CNTNAP5: variants seen among roughly 807,000 people sequenced by gnomAD.
CNTNAP5 encodes contactin-associated protein-like 5.
In CNTNAP5, 72 loss-of-function variants were observed where a neutral mutation model predicts 150.2. The ratio of observed to expected loss-of-function variants is 0.48; its 90% CI spans 0.40 to 0.58. CNTNAP5 has a LOEUF of 0.58. Ranked by LOEUF, CNTNAP5 falls within the 20% of genes least tolerant of loss-of-function variation. The pLI is 0.00. For missense variants in CNTNAP5, 1,636 were observed against 1,626.2 expected (o/e 1.01, Z -0.10); for synonymous variants, 672 against 619.8 (o/e 1.08, Z -1.25).
intron 1 of CNTNAP5, among the ~76,000 whole-genome samples, chr2:124,132,960 T>A (rs536226577): frequency 6.6e-6 from 1 of 152,272 alleles, no homozygotes; most frequent in African/African-American, 2.4e-5. Flanking sequence ...TCTATTCACA[T>A]TTCTCTCTTT....
intron 13 of CNTNAP5, among the ~76,000 whole-genome samples, chr2:124,707,600 C>T (rs965678435): frequency 6.6e-6 from 1 of 150,876 alleles, no homozygotes; most frequent in African/African-American, 2.4e-5. Flanking sequence ...AAAATAATCA[C>T]ATTCCTCGAT....
At chr2:124,859,988 A>C (rs1677477683) in intron 19 of CNTNAP5, among the ~76,000 whole-genome samples, 1 of 152,026 alleles carries the variant, frequency 6.6e-6, no homozygotes, top group South Asian at 2.1e-4. Flanking sequence ...CAGCACACCA[A>C]CATGGCACGT....
intron 1 of CNTNAP5, among the ~76,000 whole-genome samples, chr2:124,048,776 G>A (rs368848679): frequency 2.0e-5 from 3 of 152,266 alleles, no homozygotes; most frequent in East Asian, 3.9e-4. Flanking sequence ...GATAAACGGG[G>A]TCATCCAAGG....
At chr2:124,517,438 TG>T (rs1212509510) in intron 8 of CNTNAP5, among the ~76,000 whole-genome samples, 1 of 151,400 alleles carries the variant, frequency 6.6e-6, no homozygotes, top group Non-Finnish European at 1.5e-5. Context: ...TGGGAGCTTG[TG>T]GTGTTGGTAA....
rs565720551 is a variant in CNTNAP5, at chr2:124,482,846, A to G, written c.1062+7964A>G. On this transcript the variant is annotated intron_variant, in intron 7 of 23. Transcript: ENST00000682447. ...GGTCAAAGCGCTTCCCCAGAAACTC[A>G]GCCCTTTGTTTCCAGTGACTCTTGT... 3.9e-5 allele frequency among the ~76,000 whole-genome samples: 6 copies of G among 152,322 alleles called. No individual in the cohort carries two copies. The East Asian group carries it at 1.2e-3, about 29-fold the overall frequency.
chr2:124,251,384 T>G (rs1355192546), intron 3 of CNTNAP5, among the ~76,000 whole-genome samples: 2 of 151,770 alleles, frequency 1.3e-5, no homozygotes, highest in South Asian at 4.2e-4. Context: ...TTTTTTTCCT[T>G]TTGTAGGAAG....
At chr2:124,610,130 C>T (rs1677348952) in intron 12 of CNTNAP5, among the ~76,000 whole-genome samples, 1 of 152,174 alleles carries the variant, frequency 6.6e-6, no homozygotes, top group Admixed American at 6.5e-5. Context: ...TGTTAATGGT[C>T]TTGATAATGT....
intron 1 of CNTNAP5, among the ~76,000 whole-genome samples, chr2:124,178,883 T>C (rs1685132991): frequency 6.6e-6 from 1 of 151,932 alleles, no homozygotes; most frequent in African/African-American, 2.4e-5. Flanking sequence ...ACAATACTTG[T>C]GAAAAGCTCT....
At chr2:124,825,492 C>A (rs1469368533) in intron 19 of CNTNAP5, among the ~76,000 whole-genome samples, 2 of 152,148 alleles carry the variant, frequency 1.3e-5, no homozygotes, top group Non-Finnish European at 2.9e-5. Context: ...AACTATAGAA[C>A]ACCTCTTATA....
At chr2:124,370,447 C>A (rs1442170595) in intron 3 of CNTNAP5, among the ~76,000 whole-genome samples, 1 of 152,128 alleles carries the variant, frequency 6.6e-6, no homozygotes, top group Non-Finnish European at 1.5e-5. Flanking sequence ...GAAGTGACTA[C>A]TAGCCTCTTC....
At chr2:124,848,076 G>A (rs1683085411) in intron 19 of CNTNAP5, among the ~76,000 whole-genome samples, 1 of 152,034 alleles carries the variant, frequency 6.6e-6, no homozygotes, top group African/African-American at 2.4e-5. Flanking sequence ...CTGTGTAATG[G>A]TTACCACAAT....
At chr2:124,618,146 TAG>T (rs1677529421) in intron 12 of CNTNAP5, among the ~76,000 whole-genome samples, 1 of 152,104 alleles carries the variant, frequency 6.6e-6, no homozygotes, top group Non-Finnish European at 1.5e-5. Context: ...TAATCTGAAC[TAG>T]AGTTTCCCAG....
At chr2:124,395,342 G>T (rs1284361514) in intron 3 of CNTNAP5, among the ~76,000 whole-genome samples, 1 of 152,052 alleles carries the variant, frequency 6.6e-6, no homozygotes, top group African/African-American at 2.4e-5. Context: ...AACAGACCTG[G>T]GTTCACATCC....
chr2:124,534,506 A>C lies in CNTNAP5; in HGVS notation c.1649+7050A>C, dbSNP rs542065494. On this transcript the variant is annotated intron_variant, in intron 10 of 23. Transcript: ENST00000682447. ...TTGCCCTTTTTAGACCATATAAGGT[A>C]ACTTCCAGATGTTGCCATGGCATTT... Among the ~76,000 whole-genome samples, 3 of 152,304 alleles carry C rather than the reference A, an allele frequency of 2.0e-5. No homozygotes were observed. The South Asian group carries it at 6.2e-4, about 32-fold the overall frequency.
chr2:124,421,110 TCTA>T (rs1414738327), intron 4 of CNTNAP5, among the ~76,000 whole-genome samples: 1 of 151,804 alleles, frequency 6.6e-6, no homozygotes, highest in Non-Finnish European at 1.5e-5. Context: ...TCTCAGTTCT[TCTA>T]CTACTTTTCC....
chr2:124,398,980 T>C (rs1015174467), intron 3 of CNTNAP5, among the ~76,000 whole-genome samples: 1 of 152,192 alleles, frequency 6.6e-6, no homozygotes, highest in Non-Finnish European at 1.5e-5. Flanking sequence ...TCTCAGAGTT[T>C]ACAGTAAATA....
intron 3 of CNTNAP5, among the ~76,000 whole-genome samples, chr2:124,388,255 G>C (rs368366733): frequency 1.0e-3 from 156 of 152,306 alleles, no homozygotes; most frequent in African/African-American, 3.5e-3. Context: ...GTCAGATGGT[G>C]GCTAGGCCAG....
At chr2:124,059,204 A>G (rs981179068) in intron 1 of CNTNAP5, among the ~76,000 whole-genome samples, 3 of 152,190 alleles carry the variant, frequency 2.0e-5, no homozygotes, top group African/African-American at 7.2e-5. Flanking sequence ...AGTAAAAGTT[A>G]TCCTTAACAG....
intron 7 of CNTNAP5, among the ~76,000 whole-genome samples, chr2:124,487,742 T>C (rs1201946338): frequency 6.6e-6 from 1 of 152,116 alleles, no homozygotes; most frequent in East Asian, 1.9e-4. Flanking sequence ...GAGTGCATTT[T>C]ATCAAACTTT....
Sources: allele counts gnomAD v4.1 joint callset (sites outside exome capture counted in the v4.1 genomes callset), GRCh38; gene constraint gnomAD v4.1.1; transcripts MANE v1.5; gene names NCBI Gene and HGNC (gene_info 2026-07-23, HGNC 2026-07-21).